The following SPEF2 variants were observed in gnomAD, a reference collection of about 807,000 sequenced individuals.
SPEF2 encodes sperm flagella and cilia-associated protein 2.
In SPEF2, 187 loss-of-function variants were observed where a neutral mutation model predicts 224.6. That is an observed-to-expected ratio of 0.83 (90% CI 0.74 to 0.94). SPEF2 has a LOEUF of 0.94. Among genes scored for constraint, SPEF2 ranks in the 40% least tolerant of loss-of-function variants. The probability of loss-of-function intolerance (pLI) is 0.00; values close to 1 mark genes in which losing one functional copy is unlikely to be tolerated. For missense variants in SPEF2, 2,170 were observed against 2,135.6 expected, an observed-to-expected ratio of 1.02 and a Z score of -0.32; for synonymous variants, 715 against 707.3, an observed-to-expected ratio of 1.01 and a Z score of -0.17.
intron 15 of SPEF2, chr5:35,699,758 AC>A (rs1162060138): frequency 6.6e-6 from 1 of 152,242 alleles, no homozygotes; most frequent in Non-Finnish European, 1.5e-5. Flanking sequence ...CAAAGGAGGA[AC>A]AGTCTGTGAA....
chr5:35,789,978 A>T (rs1200611585), intron 30 of SPEF2: 3 of 701,022 alleles, frequency 4.3e-6, no homozygotes, highest in Non-Finnish European at 7.8e-6. Flanking sequence ...ATGTTTGGGT[A>T]AAACTTGGGA....
rs377319959 is a variant in SPEF2 at position 35,644,049 on chromosome 5, AT to A, written c.415-305del. On this transcript the variant is annotated intron_variant, in intron 3 of 36. Transcript: ENST00000356031. Reference sequence around the variant, plus strand: ...TAATGAAATTATTTTTGCAAAAAAAATAAATAAAATTTATTTCCAAGAATAT... The same window carrying A: ...TAATGAAATTATTTTTGCAAAAAAAAAAATAAAATTTATTTCCAAGAATAT... Among the ~76,000 whole-genome samples, 83 of 152,280 alleles carry A rather than the reference AT, an allele frequency of 5.5e-4. No homozygotes were observed. In the East Asian group the frequency reaches 9.4e-3, roughly 17 times the overall value.
chr5:35,734,730 T>C lies in SPEF2; in HGVS notation c.3064-5189T>C, dbSNP rs997126393. 1.2e-3 allele frequency among the ~76,000 whole-genome samples: 160 copies of C among 132,404 alleles called. 4 individuals carry two copies. The East Asian group carries it at 0.028, about 24-fold the overall frequency. The allele number at this position is 132,404 out of a possible 152,430, so 86.9% of individuals were successfully genotyped here. On this transcript the variant is annotated intron_variant, in intron 21 of 36. Coordinates refer to ENST00000356031, the MANE Select transcript of SPEF2 (RefSeq NM_024867.4). ...TTTTCTTTTTTTTTTTTTTTTTTTTTCAGACAGAGTCTCACTCTGTCACCA... is the reference window on the plus strand; with the variant it reads ...TTTTCTTTTTTTTTTTTTTTTTTTTCCAGACAGAGTCTCACTCTGTCACCA...
In SPEF2 at chr5:35,804,731, T is replaced by C. The variant is rs141740892; in HGVS notation, c.5011-1976T>C. 1.8e-3 allele frequency among the ~76,000 whole-genome samples: 273 copies of C among 152,312 alleles called. 2 individuals carry two copies. The highest frequency in any genetic ancestry group is 6.4e-3 in the African/African-American group (265 of 41,576). On this transcript the variant is annotated intron_variant, in intron 34 of 36. Transcript: ENST00000356031. ...TCTTAAATTTTAAAAAAAAATCATT[T>C]ATTCCATTATGCTTACATCAGGCCT... is the stretch of plus-strand genomic sequence containing the variant.
intron 4 of SPEF2, among the ~76,000 whole-genome samples, chr5:35,646,068 A>G (rs1747328596): frequency 6.6e-6 from 1 of 152,148 alleles, no homozygotes; most frequent in Non-Finnish European, 1.5e-5. Flanking sequence ...TTTCTTTTCA[A>G]ATACATTCTC....
chr5:35,702,744 C>T (rs1738902086), intron 16 of SPEF2, among the ~76,000 whole-genome samples: 1 of 152,206 alleles, frequency 6.6e-6, no homozygotes. Context: ...AATCCCTTCT[C>T]TACCATTTAT....
chr5:35,699,419 G>C (rs1383939648), intron 15 of SPEF2: 2 of 152,176 alleles, frequency 1.3e-5, no homozygotes, highest in Admixed American at 6.5e-5. Context: ...TCTCTAAAGA[G>C]GACACTGTGC....
intron 34 of SPEF2, among the ~76,000 whole-genome samples, chr5:35,804,440 T>C (rs967091008): frequency 1.3e-5 from 2 of 152,202 alleles, no homozygotes; most frequent in African/African-American, 4.8e-5. Context: ...TTTGTTCCTG[T>C]ACCCACATTC....
In SPEF2 at chr5:35,800,133, C is replaced by T. The variant is rs762583999; in HGVS notation, c.4996C>T (p.Pro1666Ser). 1 of 1,614,050 alleles carries T rather than the reference C, an allele frequency of 6.2e-7. No homozygotes were observed. Among genetic ancestry groups the T allele is most frequent in the African/African-American group, 1.3e-5 (1 of 75,016 alleles). Reference sequence around the variant, plus strand: ...CTTCCAACAAGTCAAAGCTTCCATTCCAAGTGCAGAAAAGGTAATTGCATT... The same window carrying T: ...CTTCCAACAAGTCAAAGCTTCCATTTCAAGTGCAGAAAAGGTAATTGCATT... ...HVFQQVKASIPSAEKTSSTDA... is the reference protein window; with the variant it reads ...HVFQQVKASISSAEKTSSTDA... The change falls in exon 34 of 37, where the codon CCA (proline) becomes TCA (serine). Residue 1666 changes from proline to serine, a missense_variant. Coordinates refer to ENST00000356031, the MANE Select transcript of SPEF2 (RefSeq NM_024867.4).
intron 30 of SPEF2, chr5:35,789,963 T>C: frequency 1.4e-6 from 1 of 702,060 alleles, no homozygotes; most frequent in Non-Finnish European, 2.6e-6. Flanking sequence ...GGTGGATATT[T>C]ATAAATGTTT....
intron 20 of SPEF2, among the ~76,000 whole-genome samples, chr5:35,713,319 T>C (rs1741581145): frequency 6.6e-6 from 1 of 152,162 alleles, no homozygotes; most frequent in African/African-American, 2.4e-5. Context: ...CTTGGTACAA[T>C]ACTGTTAACT....
At chr5:35,797,323 T>G (rs1580772096) in intron 33 of SPEF2, among the ~76,000 whole-genome samples, 2 of 28,750 alleles carry the variant, frequency 7.0e-5, no homozygotes, top group Non-Finnish European at 2.7e-4. Context: ...GACGGGTGTG[T>G]GTGTGTGTGT....
At chr5:35,683,969 G>A (rs1471579100) in intron 10 of SPEF2, 1 of 152,182 alleles carries the variant, frequency 6.6e-6, no homozygotes, top group Non-Finnish European at 1.5e-5. Flanking sequence ...TTTATACCAT[G>A]TGATATTTAC....
At chr5:35,700,425 A>T (rs1449340673) in intron 15 of SPEF2, 71 bp from the exon 16 acceptor site, 3 of 1,355,974 alleles carry the variant, frequency 2.2e-6, no homozygotes, top group Admixed American at 4.3e-5. Context: ...GAAAAAGGAA[A>T]GATTCATCAT....
At chr5:35,800,283 G>T in intron 34 of SPEF2, 136 bp downstream of exon 34, 1 of 909,360 alleles carries the variant, frequency 1.1e-6, no homozygotes, top group Non-Finnish European at 1.6e-6. Context: ...ACACATACTA[G>T]GTCTTCAACA....
At chr5:35,760,853 C>G (rs1161163237) in intron 25 of SPEF2, among the ~76,000 whole-genome samples, 1 of 151,824 alleles carries the variant, frequency 6.6e-6, no homozygotes, top group Non-Finnish European at 1.5e-5. Flanking sequence ...TAAAATAAAG[C>G]AATTAAAAAA....
chr5:35,721,664 A>G (rs1743691542), intron 20 of SPEF2, among the ~76,000 whole-genome samples: 1 of 152,224 alleles, frequency 6.6e-6, no homozygotes, highest in Admixed American at 6.5e-5. Context: ...TAAAAAAAGT[A>G]TTTGATCCAA....
At chr5:35,755,912 C>T (rs902969406) in intron 24 of SPEF2, among the ~76,000 whole-genome samples, 1 of 152,048 alleles carries the variant, frequency 6.6e-6, no homozygotes, top group Non-Finnish European at 1.5e-5. Flanking sequence ...ACCCAGCCTA[C>T]TGTAAGTTCT....
intron 23 of SPEF2, among the ~76,000 whole-genome samples, chr5:35,741,415 A>G (rs1185950076): frequency 6.6e-6 from 1 of 152,210 alleles, no homozygotes; most frequent in Non-Finnish European, 1.5e-5. Flanking sequence ...GGGGGAGGAC[A>G]CTTGGTGTGT....
Sources: allele counts gnomAD v4.1 joint callset (sites outside exome capture counted in the v4.1 genomes callset), GRCh38; gene constraint gnomAD v4.1.1; transcripts MANE v1.5; gene names NCBI Gene and HGNC (gene_info 2026-07-23, HGNC 2026-07-21).